Variants in NAA16 observed in about 807,000 individuals in gnomAD.
NAA16 encodes N-alpha-acetyltransferase 16, NatA auxiliary subunit.
NAA16 carries 97 observed loss-of-function variants against 110.3 expected under a neutral mutation model. The observed-to-expected ratio is 0.88, with a 90% CI of 0.75 to 1.04. NAA16 has a LOEUF of 1.04. Ranked by LOEUF, NAA16 falls within the 50% of genes least tolerant of loss-of-function variation. The probability of loss-of-function intolerance (pLI) is 0.00; values close to 1 mark genes in which losing one functional copy is unlikely to be tolerated. For missense variants in NAA16, 1,017 were observed against 1,005.1 expected (o/e 1.01, Z -0.16); for synonymous variants, 372 against 330.6 (o/e 1.13, Z -1.36).
At chr13:41,359,856 A>T (rs2043076013) in intron 12 of NAA16, among the ~76,000 whole-genome samples, 1 of 152,212 alleles carries the variant, frequency 6.6e-6, no homozygotes. Flanking sequence ...CAAACCTTAC[A>T]CTTATAGAAG....
intron 13 of NAA16, among the ~76,000 whole-genome samples, chr13:41,363,027 T>C (rs1441677517): frequency 6.6e-6 from 1 of 152,204 alleles, no homozygotes; most frequent in African/African-American, 2.4e-5. Flanking sequence ...AATAACCTAA[T>C]TTTTGCTCTG....
intron 5 of NAA16, among the ~76,000 whole-genome samples, chr13:41,323,843 T>C (rs1343608572): frequency 1.3e-5 from 2 of 152,190 alleles, no homozygotes; most frequent in African/African-American, 2.4e-5. Context: ...ATGGAGATGG[T>C]GTGGATTGAG....
intron 6 of NAA16, chr13:41,327,743 G>GTTTTTTTTTTTTTTTTTTTTT (rs2042130255): frequency 6.6e-6 from 1 of 151,088 alleles, no homozygotes; most frequent in African/African-American, 2.5e-5. Context: ...CATGTTTAAA[G>GTTTTTTTTTTTTTTTTTTTTT]TTTTAAGTAG....
chr13:41,356,781 C>G (rs1356420380), intron 10 of NAA16, among the ~76,000 whole-genome samples: 1 of 152,146 alleles, frequency 6.6e-6, no homozygotes, highest in African/African-American at 2.4e-5. Context: ...ATCCCATATT[C>G]TAGATTTGGT....
At chr13:41,364,122 G>A (rs769865087) in intron 13 of NAA16, among the ~76,000 whole-genome samples, 10 of 152,006 alleles carry the variant, frequency 6.6e-5, no homozygotes, top group Non-Finnish European at 1.5e-4. Context: ...ATCTACATGA[G>A]TTACCTTATG....
rs964877408 is a variant in NAA16 at position 41,373,909 on chromosome 13, A to C, written c.2299+129A>C. 10 of 1,374,424 alleles carry C rather than the reference A, an allele frequency of 7.3e-6. No homozygotes were observed. In the African/African-American group the frequency reaches 1.5e-4, roughly 21 times the overall value. 85.1% of individuals were successfully genotyped at this position (1,374,424 alleles called of 1,614,324 possible). ...AGTATGGGGAGAGAAATGTGGACAA[A>C]TTTAAGTTATGTTCAATAATAGGGG... On this transcript the variant is annotated intron_variant, in intron 18 of 19. Transcript: ENST00000379406.
chr13:41,371,509 T>C (rs1219947834), intron 15 of NAA16, among the ~76,000 whole-genome samples: 1 of 152,228 alleles, frequency 6.6e-6, no homozygotes, highest in Non-Finnish European at 1.5e-5. Context: ...CCCTTCAGCC[T>C]ACCCAACATG....
intron 4 of NAA16, among the ~76,000 whole-genome samples, chr13:41,321,155 C>T (rs988797904): frequency 2.0e-5 from 3 of 151,920 alleles, no homozygotes; most frequent in Non-Finnish European, 4.4e-5. Context: ...AAAATTAGCC[C>T]GGTATGGTAG....
At chr13:41,368,253 T>C (rs572973009) in intron 14 of NAA16, among the ~76,000 whole-genome samples, 1 of 152,324 alleles carries the variant, frequency 6.6e-6, no homozygotes, top group African/African-American at 2.4e-5. Flanking sequence ...TCTAGGAATA[T>C]TTGAGAAATA....
At position 41,331,359 on chromosome 13, in the gene NAA16, T is replaced by C; in HGVS notation, c.897T>C (p.Thr299=). 6.3e-7 allele frequency: 1 copy of C among 1,591,432 alleles called. No individual in the cohort carries two copies. The highest frequency in any genetic ancestry group is 1.1e-5 in the South Asian group (1 of 88,906). Reference sequence around the variant, plus strand: ...TTACACCCAGAAGATTACCTTTGACTCTTGTCCCAGGTAATATTAAGATGT... The same window carrying C: ...TTACACCCAGAAGATTACCTTTGACCCTTGTCCCAGGTAATATTAAGATGT... The part of the protein sequence containing the change: ...KAITPRRLPL[T]LVPGERFREL... The change falls in exon 8 of 20, where the codon ACT becomes ACC. Residue 299 remains threonine, a synonymous_variant. Transcript: ENST00000379406.
intron 8 of NAA16, among the ~76,000 whole-genome samples, chr13:41,331,775 G>A (rs976322770): frequency 2.6e-5 from 4 of 152,040 alleles, no homozygotes; most frequent in African/African-American, 7.2e-5. Flanking sequence ...TATATTTCAG[G>A]ATAGCAAAAG....
At chr13:41,326,185 T>C (rs1353179973) in intron 6 of NAA16, among the ~76,000 whole-genome samples, 4 of 152,148 alleles carry the variant, frequency 2.6e-5, no homozygotes, top group African/African-American at 9.7e-5. Context: ...TATCCATATA[T>C]AGTTAATTAA....
At chr13:41,374,990 A>T in intron 19 of NAA16, 151 bp downstream of exon 19, 1 of 589,162 alleles carries the variant, frequency 1.7e-6, no homozygotes, top group Non-Finnish European at 3.0e-6. Flanking sequence ...TAGGCAGGTT[A>T]TGTCTCTTAG....
intron 1 of NAA16, among the ~76,000 whole-genome samples, chr13:41,316,217 G>C (rs1446217585): frequency 6.6e-6 from 1 of 151,766 alleles, no homozygotes; most frequent in African/African-American, 2.4e-5. Flanking sequence ...GCAGCTTCCA[G>C]CTCCTGGGTT....
In NAA16 at chr13:41,318,920, T is replaced by G. The variant is rs368138407; in HGVS notation, c.244+10T>G. 200 of 1,497,326 alleles carry G rather than the reference T, an allele frequency of 1.3e-4. No individual in the cohort carries two copies. Among genetic ancestry groups the G allele is most frequent in the Middle Eastern group, 3.5e-4 (2 of 5,706 alleles). The allele number at this position is 1,497,326 out of a possible 1,614,324, so 92.8% of individuals were successfully genotyped here. A position where few individuals can be genotyped will look rare whatever the true frequency, so the allele number is the denominator to read the frequency against. On this transcript the variant is annotated intron_variant, in intron 3 of 19. Transcript: ENST00000379406. ...GTCAAGAGTCATGTCTGTATCCTTTTGCAGTAGTTAAATAGTTTATGTTTT... is the reference window on the plus strand; with the variant it reads ...GTCAAGAGTCATGTCTGTATCCTTTGGCAGTAGTTAAATAGTTTATGTTTT...
At chr13:41,327,250 ATAAT>A (rs72443095) in intron 6 of NAA16, among the ~76,000 whole-genome samples, 11,093 of 152,130 alleles carry the variant, frequency 0.073, 1,207 homozygotes, top group African/African-American at 0.24. Context: ...ATATGGGTAA[ATAAT>A]TAAATATTCT....
At chr13:41,353,688 G>A (rs2042901981) in intron 9 of NAA16, among the ~76,000 whole-genome samples, 1 of 151,722 alleles carries the variant, frequency 6.6e-6, no homozygotes, top group Non-Finnish European at 1.5e-5. Context: ...AATTGCTTGA[G>A]CACAGGAGTT....
At chr13:41,320,553 C>G in intron 3 of NAA16, 114 bp from the exon 4 acceptor site, 1 of 1,016,200 alleles carries the variant, frequency 9.8e-7, no homozygotes, top group South Asian at 2.0e-5. Context: ...GACTCCAGAT[C>G]ATTCTGAACA....
At chr13:41,366,710 G>A (rs2043213963) in intron 13 of NAA16, among the ~76,000 whole-genome samples, 1 of 152,126 alleles carries the variant, frequency 6.6e-6, no homozygotes, top group African/African-American at 2.4e-5. Flanking sequence ...TGGAATGTAG[G>A]TAGAGTAAGA....
Sources: allele counts gnomAD v4.1 joint callset (sites outside exome capture counted in the v4.1 genomes callset), GRCh38; gene constraint gnomAD v4.1.1; transcripts MANE v1.5; gene names NCBI Gene and HGNC (gene_info 2026-07-23, HGNC 2026-07-21).